Variants in TBC1D1 observed in about 807,000 individuals in gnomAD.
TBC1D1 encodes the protein TBC1 domain family member 1.
A neutral mutation model predicts 125.6 loss-of-function variants in TBC1D1; 89 were observed. That is an observed-to-expected ratio of 0.71 (90% CI 0.60 to 0.85). TBC1D1 has a LOEUF of 0.85. TBC1D1 is among the 40% of genes least tolerant of loss of function. The pLI is 0.00. For synonymous variants in TBC1D1, 565 were observed against 564.1 expected, an observed-to-expected ratio of 1.00 and a Z score of -0.02; for missense variants, 1,377 against 1,469.2, an observed-to-expected ratio of 0.94 and a Z score of 1.03.
intron 2 of TBC1D1, among the ~76,000 whole-genome samples, chr4:37,922,661 G>A (rs1252015796): frequency 6.6e-6 from 1 of 152,168 alleles, no homozygotes; most frequent in African/African-American, 2.4e-5. Flanking sequence ...CCTACACTTT[G>A]AATTTTGTCT....
intron 2 of TBC1D1, among the ~76,000 whole-genome samples, chr4:37,998,665 C>T (rs1252479583): frequency 2.6e-5 from 4 of 152,164 alleles, no homozygotes; most frequent in South Asian, 2.1e-4. Flanking sequence ...TTCAGCCCAG[C>T]GCACAGCACA....
At chr4:37,927,898 C>A (rs1722451436) in intron 2 of TBC1D1, among the ~76,000 whole-genome samples, 1 of 152,164 alleles carries the variant, frequency 6.6e-6, no homozygotes, top group South Asian at 2.1e-4. Context: ...GGCAACATAG[C>A]AAATCCCTGT....
At chr4:38,048,794 T>C (rs539433853) in intron 10 of TBC1D1, among the ~76,000 whole-genome samples, 1 of 152,348 alleles carries the variant, frequency 6.6e-6, no homozygotes, top group African/African-American at 2.4e-5. Context: ...GGTGCAGTGT[T>C]AAACATCAGT....
At chr4:38,065,195 G>T (rs1042601771) in intron 12 of TBC1D1, among the ~76,000 whole-genome samples, 27 of 152,114 alleles carry the variant, frequency 1.8e-4, no homozygotes, top group African/African-American at 6.5e-4. Context: ...AGGCCAATCC[G>T]CCTTGGCCTC....
chr4:38,092,505 G>A (rs756251425), intron 13 of TBC1D1, among the ~76,000 whole-genome samples: 13 of 151,996 alleles, frequency 8.6e-5, no homozygotes, highest in Non-Finnish European at 1.8e-4. Flanking sequence ...CTGAGACAGG[G>A]AGATCACCTG....
intron 15 of TBC1D1, among the ~76,000 whole-genome samples, chr4:38,111,678 G>C (rs2152568144): frequency 1.3e-5 from 2 of 152,256 alleles, no homozygotes; most frequent in South Asian, 4.1e-4. Context: ...TCTATAGTAG[G>C]AAAAGCAGGG....
chr4:37,907,858 C>T (rs1717666953), intron 2 of TBC1D1, among the ~76,000 whole-genome samples: 1 of 152,222 alleles, frequency 6.6e-6, no homozygotes, highest in Non-Finnish European at 1.5e-5. Flanking sequence ...AAAATCTCTA[C>T]TCAGAAGAAA....
chr4:37,906,033 G>C (rs1252426318), intron 2 of TBC1D1, among the ~76,000 whole-genome samples: 1 of 152,120 alleles, frequency 6.6e-6, no homozygotes, highest in African/African-American at 2.4e-5. Context: ...CTATGATATT[G>C]GCTAGTTGGT....
At chr4:37,979,810 G>T (rs551253108) in intron 2 of TBC1D1, among the ~76,000 whole-genome samples, 1 of 152,166 alleles carries the variant, frequency 6.6e-6, no homozygotes, top group Non-Finnish European at 1.5e-5. Flanking sequence ...ACAGAGCTTC[G>T]CTCTTGTTGT....
chr4:38,003,967 A>C (rs1163755336), intron 2 of TBC1D1, among the ~76,000 whole-genome samples: 2 of 152,112 alleles, frequency 1.3e-5, no homozygotes, highest in Non-Finnish European at 2.9e-5. Flanking sequence ...GCTCTATGCT[A>C]AACTTTCATA....
At chr4:37,996,013 T>C (rs750510963) in intron 2 of TBC1D1, 1 of 523,694 alleles carries the variant, frequency 1.9e-6, no homozygotes, top group Non-Finnish European at 3.8e-6. Flanking sequence ...GGGATGGGGA[T>C]GTCCAGTGGG....
intron 2 of TBC1D1, among the ~76,000 whole-genome samples, chr4:37,953,342 A>T (rs928692279): frequency 6.6e-6 from 1 of 152,212 alleles, no homozygotes; most frequent in Admixed American, 6.5e-5. Context: ...AGACTTTATT[A>T]AAAACGTTTT....
chr4:37,945,551 A>AAAAAAAAAAAAAAAAC (rs1726529845), intron 2 of TBC1D1, among the ~76,000 whole-genome samples: 1 of 120,044 alleles, frequency 8.3e-6, no homozygotes, highest in African/African-American at 3.3e-5. Context: ...AAAAAAAAAA[A>AAAAAAAAAAAAAAAAC]GCCTAGAAGC....
intron 7 of TBC1D1, among the ~76,000 whole-genome samples, chr4:38,031,581 G>A (rs1299917860): frequency 6.6e-6 from 1 of 152,086 alleles, no homozygotes; most frequent in Non-Finnish European, 1.5e-5. Flanking sequence ...CAACATTCTG[G>A]GATGCATCAA....
intron 2 of TBC1D1, among the ~76,000 whole-genome samples, chr4:37,983,775 G>A (rs1019736521): frequency 6.6e-6 from 1 of 152,134 alleles, no homozygotes; most frequent in Admixed American, 6.5e-5. Flanking sequence ...AAAGTCCATC[G>A]TTTACATTAG....
intron 2 of TBC1D1, among the ~76,000 whole-genome samples, chr4:37,964,186 G>A (rs1316460658): frequency 6.6e-6 from 1 of 152,190 alleles, no homozygotes; most frequent in East Asian, 1.9e-4. Flanking sequence ...TCAGTGCTCT[G>A]CACACACATG....
In TBC1D1 at chr4:37,935,267, T is replaced by C. The variant is rs1284610953; in HGVS notation, c.417+32755T>C. Among the ~76,000 whole-genome samples the C allele has an allele frequency of 5.3e-5, 8 of 152,278 alleles. No homozygotes were observed. The South Asian group carries it at 8.3e-4, about 16-fold the overall frequency. ...GTCGCTTTGATCCTAGGTTCCTTCC[T>C]CCAGCTCAGATCTCTGCACCAAAAC... On this transcript the variant is annotated intron_variant, in intron 2 of 19. Coordinates refer to ENST00000261439, the MANE Select transcript of TBC1D1 (RefSeq NM_015173.4).
chr4:38,025,671 T>C (rs931841107), intron 6 of TBC1D1, among the ~76,000 whole-genome samples: 8 of 152,218 alleles, frequency 5.3e-5, no homozygotes, highest in Non-Finnish European at 8.8e-5. Flanking sequence ...TTCCAAAATA[T>C]GATACTTCGG....
At position 38,089,955 on chromosome 4, in the gene TBC1D1, C is replaced by G; in HGVS notation, c.2074C>G (p.Pro692Ala). 1 of 1,593,348 alleles carries G rather than the reference C, an allele frequency of 6.3e-7. No individual in the cohort carries two copies. Among genetic ancestry groups the G allele is most frequent in the Non-Finnish European group, 8.5e-7 (1 of 1,172,192 alleles). ...AGATTATTCAGAGCTGGGAGAGCTTCCCCCACGATCTCCTTTAGAACCAGT... is the reference window on the plus strand; with the variant it reads ...AGATTATTCAGAGCTGGGAGAGCTTGCCCCACGATCTCCTTTAGAACCAGT... The change falls in exon 13 of 20, where the codon CCC (proline) becomes GCC (alanine). Residue 692 changes from proline to alanine, a missense_variant. Transcript: ENST00000261439.
Sources: allele counts gnomAD v4.1 joint callset (sites outside exome capture counted in the v4.1 genomes callset), GRCh38; gene constraint gnomAD v4.1.1; transcripts MANE v1.5; gene names NCBI Gene and HGNC (gene_info 2026-07-23, HGNC 2026-07-21).